ZNF407: variants seen among roughly 807,000 people sequenced by gnomAD.
ZNF407 encodes the protein zinc finger protein 407.
In ZNF407, 17 loss-of-function variants were observed where a neutral mutation model predicts 131.2. That is an observed-to-expected ratio of 0.13 (90% CI 0.09 to 0.19). The LOEUF is 0.19. Among genes scored for constraint, ZNF407 ranks in the 10% least tolerant of loss-of-function variants. The pLI, the probability that ZNF407 is intolerant of heterozygous loss-of-function variation, is 1.00. For missense variants in ZNF407, 2,681 were observed against 2,830.6 expected (o/e 0.95, Z 1.20); for synonymous variants, 1,156 against 1,062.0 (o/e 1.09, Z -1.72).
chr18:74,759,578 T>C (rs866673644), intron 3 of ZNF407, among the ~76,000 whole-genome samples: 18 of 152,176 alleles, frequency 1.2e-4, no homozygotes, highest in African/African-American at 4.3e-4. Flanking sequence ...TTTCTCAGAC[T>C]GGATCAGAAA....
At chr18:74,880,945 T>C (rs1282056124) in intron 5 of ZNF407, 91 bp from the exon 6 acceptor site, 2 of 1,045,940 alleles carry the variant, frequency 1.9e-6, no homozygotes, top group African/African-American at 1.6e-5. Flanking sequence ...AAACATTTGA[T>C]TGGAGGAATT....
intron 3 of ZNF407, among the ~76,000 whole-genome samples, chr18:74,736,759 G>T (rs1025203526): frequency 6.6e-6 from 1 of 152,088 alleles, no homozygotes; most frequent in East Asian, 1.9e-4. Flanking sequence ...TTCTGCAGCC[G>T]ATCTAAATAC....
At chr18:75,010,886 C>T (rs891078470) in intron 8 of ZNF407, among the ~76,000 whole-genome samples, 6 of 152,040 alleles carry the variant, frequency 3.9e-5, no homozygotes, top group African/African-American at 1.4e-4. Context: ...GAAATGCTGC[C>T]CTGTCATACT....
Position 74,683,671 on chromosome 18 carries a change from T to G in ZNF407, c.4802+42549T>G, listed in dbSNP as rs1967035997. Among the ~76,000 whole-genome samples, 12 of 152,308 alleles carry G rather than the reference T, an allele frequency of 7.9e-5. No individual in the cohort carries two copies. In the Middle Eastern group the frequency reaches 0.017, roughly 216 times the overall value. ...AACTATTTTTGCTTGAATACAACAT[T>G]TATGATTTATGGCCAACATGTAGCC... On this transcript the variant is annotated intron_variant, in intron 3 of 8. Coordinates refer to ENST00000299687, the MANE Select transcript of ZNF407 (RefSeq NM_017757.3).
chr18:74,833,148 C>T (rs532270939), intron 4 of ZNF407, among the ~76,000 whole-genome samples: 1 of 152,164 alleles, frequency 6.6e-6, no homozygotes, highest in Non-Finnish European at 1.5e-5. Flanking sequence ...GAATAGATTA[C>T]ACAACAAGGA....
intron 3 of ZNF407, among the ~76,000 whole-genome samples, chr18:74,729,883 CA>C (rs1968253276): frequency 6.6e-6 from 1 of 152,142 alleles, no homozygotes; most frequent in Non-Finnish European, 1.5e-5. Flanking sequence ...GCAATATAGA[CA>C]GAGGTAATTT....
chr18:75,065,362 T>C lies in ZNF407; in HGVS notation c.*894T>C, dbSNP rs1285445817. On this transcript the variant is annotated 3_prime_UTR_variant, in exon 9 of 9. Transcript: ENST00000299687. ...TTGCAGGATTTCTTCGTGATTTCTG[T>C]CCATATGAAAATGCTGACATTAAAC... 4 of 152,228 alleles carry C rather than the reference T, an allele frequency of 2.6e-5. No homozygotes were observed. The highest frequency in any genetic ancestry group is 4.4e-5 in the Non-Finnish European group (3 of 68,040). The allele number at this position is 152,228 out of a possible 1,614,324, so 9.4% of individuals were successfully genotyped here.
intron 7 of ZNF407, among the ~76,000 whole-genome samples, chr18:74,895,809 CT>C: frequency 6.6e-6 from 1 of 152,254 alleles, no homozygotes; most frequent in Admixed American, 6.5e-5. Context: ...TGTTCTGCCA[CT>C]TGTTTCAGCA....
intron 3 of ZNF407, among the ~76,000 whole-genome samples, chr18:74,746,943 G>A (rs1968683440): frequency 6.6e-6 from 1 of 152,124 alleles, no homozygotes; most frequent in Non-Finnish European, 1.5e-5. Context: ...ATGTTTGACA[G>A]CAAAGCTTTA....
chr18:74,710,321 A>G (rs1967728155), intron 3 of ZNF407, among the ~76,000 whole-genome samples: 1 of 152,212 alleles, frequency 6.6e-6, no homozygotes, highest in South Asian at 2.1e-4. Flanking sequence ...TTTCTCATGT[A>G]GGGGTATTGA....
At chr18:75,059,563 A>G (rs1483842978) in intron 8 of ZNF407, among the ~76,000 whole-genome samples, 1 of 152,164 alleles carries the variant, frequency 6.6e-6, no homozygotes, top group Non-Finnish European at 1.5e-5. Context: ...ACATGTGAAG[A>G]TGGCGCTGGG....
At chr18:74,822,444 A>T (rs911904697) in intron 4 of ZNF407, among the ~76,000 whole-genome samples, 7 of 152,078 alleles carry the variant, frequency 4.6e-5, no homozygotes, top group African/African-American at 1.7e-4. Context: ...TTTTTGTATA[A>T]TGTGTAAGGA....
intron 3 of ZNF407, among the ~76,000 whole-genome samples, chr18:74,682,207 C>T (rs563458783): frequency 6.6e-6 from 1 of 152,260 alleles, no homozygotes; most frequent in South Asian, 2.1e-4. Flanking sequence ...GACTGGATGT[C>T]GAGTCAGTTG....
intron 8 of ZNF407, among the ~76,000 whole-genome samples, chr18:75,036,566 ATGT>A (rs1973310753): frequency 6.6e-6 from 1 of 152,234 alleles, no homozygotes; most frequent in African/African-American, 2.4e-5. Flanking sequence ...ATCTTAACAA[ATGT>A]TGTTTTAACT....
At chr18:74,613,942 A>G (rs1464319849) in intron 1 of ZNF407, among the ~76,000 whole-genome samples, 2 of 152,236 alleles carry the variant, frequency 1.3e-5, no homozygotes, top group Non-Finnish European at 2.9e-5. Flanking sequence ...CTTTACAGTT[A>G]TTGAATATAA....
chr18:74,957,023 C>T (rs2145286448), intron 8 of ZNF407, among the ~76,000 whole-genome samples: 1 of 152,242 alleles, frequency 6.6e-6, no homozygotes, highest in African/African-American at 2.4e-5. Flanking sequence ...AAGTTATAAT[C>T]AGAATGTTGC....
At chr18:75,057,449 C>G (rs1331788523) in intron 8 of ZNF407, among the ~76,000 whole-genome samples, 1 of 152,170 alleles carries the variant, frequency 6.6e-6, no homozygotes, top group Non-Finnish European at 1.5e-5. Context: ...CTTTCATTCT[C>G]CTGAAAATTC....
At chr18:74,616,878 C>G (rs1983316893) in intron 1 of ZNF407, among the ~76,000 whole-genome samples, 1 of 151,090 alleles carries the variant, frequency 6.6e-6, no homozygotes, top group Non-Finnish European at 1.5e-5. Context: ...GCATCCATAT[C>G]CACACACCAC....
intron 4 of ZNF407, chr18:74,804,349 T>C: frequency 1.9e-6 from 2 of 1,058,972 alleles, no homozygotes; most frequent in Non-Finnish European, 2.3e-6. Flanking sequence ...TAAAGCTGAC[T>C]GTCCAATCAA....
Sources: gnomAD v4.1 joint callset for allele counts (sites outside exome capture counted in the v4.1 genomes callset) on GRCh38, gnomAD v4.1.1 for gene constraint, MANE v1.5 for transcripts, NCBI Gene and HGNC (gene_info 2026-07-23, HGNC 2026-07-21) for gene names.